FAM110B: variants seen among roughly 807,000 people sequenced by gnomAD.
The protein encoded by FAM110B is family with sequence similarity 110 member B.
A neutral mutation model predicts 20.4 loss-of-function variants in FAM110B; 6 were observed. The ratio of observed to expected loss-of-function variants is 0.29; its 90% CI spans 0.16 to 0.58. The LOEUF (loss-of-function observed/expected upper bound fraction) is 0.58, where lower values mean the gene tolerates loss of function less well. Ranked by LOEUF, FAM110B falls within the 20% of genes least tolerant of loss-of-function variation. The pLI, the probability that FAM110B is intolerant of heterozygous loss-of-function variation, is 0.90. For missense variants in FAM110B, 434 were observed against 498.2 expected (o/e 0.87, Z 1.23); for synonymous variants, 226 against 214.1 (o/e 1.06, Z -0.49).
intron 2 of FAM110B, among the ~76,000 whole-genome samples, chr8:58,053,359 A>G (rs149088381): frequency 7.2e-5 from 11 of 152,368 alleles, no homozygotes; most frequent in African/African-American, 2.4e-4. Flanking sequence ...GTGGTGTGAT[A>G]GAAAGAGGAA....
At chr8:58,000,052 ATTC>A (rs1213783767) in intron 1 of FAM110B, among the ~76,000 whole-genome samples, 1 of 152,212 alleles carries the variant, frequency 6.6e-6, no homozygotes, top group Non-Finnish European at 1.5e-5. Flanking sequence ...ATACACAAAT[ATTC>A]TTATTTATAA....
In FAM110B at chr8:58,032,342, A is replaced by G. The variant is rs143403237; in HGVS notation, c.-414+639A>G. The G allele has an allele frequency of 7.9e-5, 12 of 152,368 alleles. No homozygotes were observed. In the East Asian group the frequency reaches 2.3e-3, roughly 29 times the overall value. 9.4% of individuals were successfully genotyped at this position (152,368 alleles called of 1,614,324 possible). On this transcript the variant is annotated intron_variant, in intron 2 of 3. Coordinates refer to ENST00000519262, the MANE Select transcript of FAM110B (RefSeq NM_001377989.1). Reference sequence around the variant, plus strand: ...TCACTGGACATGGGACCTAGTATATATATTTTTAATTATTAACATAATGTA... The same window carrying G: ...TCACTGGACATGGGACCTAGTATATGTATTTTTAATTATTAACATAATGTA...
chr8:58,023,089 A>G (rs530995393), intron 1 of FAM110B, among the ~76,000 whole-genome samples: 47 of 152,354 alleles, frequency 3.1e-4, no homozygotes, highest in Non-Finnish European at 4.3e-4. Flanking sequence ...GAAAACTGCC[A>G]GTTTATAATC....
At chr8:58,043,460 A>G (rs564790124) in intron 2 of FAM110B, among the ~76,000 whole-genome samples, 1 of 151,238 alleles carries the variant, frequency 6.6e-6, no homozygotes, top group East Asian at 1.9e-4. Flanking sequence ...ATTTATTTTT[A>G]TAACTTTTTT....
At chr8:58,132,798 G>T (rs1803508952) in intron 3 of FAM110B, among the ~76,000 whole-genome samples, 1 of 152,150 alleles carries the variant, frequency 6.6e-6, no homozygotes, top group South Asian at 2.1e-4. Flanking sequence ...ACCTTATACT[G>T]CAAGCAAAAT....
At chr8:58,095,702 G>C (rs1264288642) in intron 3 of FAM110B, among the ~76,000 whole-genome samples, 1 of 152,132 alleles carries the variant, frequency 6.6e-6, no homozygotes, top group South Asian at 2.1e-4. Context: ...GTGCTGAGAA[G>C]GGTGTATATT....
chr8:58,111,942 A>AGTT (rs2150619795), intron 3 of FAM110B, among the ~76,000 whole-genome samples: 1 of 152,366 alleles, frequency 6.6e-6, no homozygotes, highest in Non-Finnish European at 1.5e-5. Flanking sequence ...GTTACACTTC[A>AGTT]AGCAAAAGGC....
At chr8:58,012,779 A>G (rs1804565008) in intron 1 of FAM110B, among the ~76,000 whole-genome samples, 1 of 152,204 alleles carries the variant, frequency 6.6e-6, no homozygotes, top group African/African-American at 2.4e-5. Context: ...TAACAGGGAC[A>G]TTGGTGCAAA....
chr8:58,064,956 G>C (rs1805732561), intron 2 of FAM110B, among the ~76,000 whole-genome samples: 3 of 152,160 alleles, frequency 2.0e-5, no homozygotes, highest in African/African-American at 7.2e-5. Context: ...TATCGAGACA[G>C]CTATCCTTTA....
chr8:58,035,719 C>A (rs902841153), intron 2 of FAM110B, among the ~76,000 whole-genome samples: 2 of 152,178 alleles, frequency 1.3e-5, no homozygotes, highest in East Asian at 3.8e-4. Context: ...TTCAAATTTA[C>A]CTTTAGCAGT....
In FAM110B at chr8:58,083,976, G is replaced by A. The variant is rs148408155; in HGVS notation, c.-325+8353G>A. On this transcript the variant is annotated intron_variant, in intron 3 of 3. Transcript: ENST00000519262. ...AAGCTCTGGGTACATAGGAGAGTACGGCTAACTCCTGGTTGATCCGGATCA... is the reference window on the plus strand; with the variant it reads ...AAGCTCTGGGTACATAGGAGAGTACAGCTAACTCCTGGTTGATCCGGATCA... Among the ~76,000 whole-genome samples, 778 of 152,246 alleles carry A rather than the reference G, an allele frequency of 5.1e-3. 2 individuals are homozygous for A. The highest frequency in any genetic ancestry group is 7.9e-3 in the Non-Finnish European group (535 of 68,008).
rs1804916657 is a variant in FAM110B at position 58,029,203 on chromosome 8, A to G, written c.-511-2403A>G. On this transcript the variant is annotated intron_variant, in intron 1 of 3. Coordinates refer to ENST00000519262, the MANE Select transcript of FAM110B (RefSeq NM_001377989.1). The stretch of plus-strand genomic sequence containing the variant: ...ATCATTTTGAAATTCTACTTTCAAA[A>G]CTGCTTATGTGAGCTTTGTGTATAG... Among the ~76,000 whole-genome samples the G allele has an allele frequency of 3.9e-5, 6 of 152,138 alleles. No individual in the cohort carries two copies. The South Asian group carries it at 1.2e-3, about 32-fold the overall frequency.
chr8:58,126,015 C>G (rs1465138205), intron 3 of FAM110B, among the ~76,000 whole-genome samples: 1 of 152,186 alleles, frequency 6.6e-6, no homozygotes, highest in Non-Finnish European at 1.5e-5. Flanking sequence ...GTAACCACCA[C>G]CACAATCAAG....
rs1805846750 is a variant in FAM110B, at chr8:58,069,736, ATTGT to A, written c.-413-5797_-413-5794del. ...GCACTTTATGACAAATATGTGGCAAATTGTTAATTAGGGTAAATAAAGTAAGACT... is the reference window on the plus strand; with the variant it reads ...GCACTTTATGACAAATATGTGGCAAATAATTAGGGTAAATAAAGTAAGACT... On this transcript the variant is annotated intron_variant, in intron 2 of 3. Coordinates refer to ENST00000519262, the MANE Select transcript of FAM110B (RefSeq NM_001377989.1). 5.9e-5 allele frequency among the ~76,000 whole-genome samples: 9 copies of A among 152,312 alleles called. No homozygotes were observed. In the South Asian group the frequency reaches 1.9e-3, roughly 32 times the overall value.
At chr8:58,009,929 C>G (rs552644527) in intron 1 of FAM110B, among the ~76,000 whole-genome samples, 1 of 152,026 alleles carries the variant, frequency 6.6e-6, no homozygotes. Context: ...TTTGGATTTC[C>G]GTAACTCATT....
chr8:58,075,901 T>A (rs1806026683), intron 3 of FAM110B, among the ~76,000 whole-genome samples: 1 of 152,232 alleles, frequency 6.6e-6, no homozygotes, highest in African/African-American at 2.4e-5. Flanking sequence ...GTTTGTTAAA[T>A]GCTGTGTGCT....
At chr8:58,093,379 T>G (rs1007385200) in intron 3 of FAM110B, among the ~76,000 whole-genome samples, 1 of 152,254 alleles carries the variant, frequency 6.6e-6, no homozygotes, top group African/African-American at 2.4e-5. Flanking sequence ...TTTTATGGTG[T>G]TAGGTCTTAC....
chr8:58,015,342 G>A (rs1049924642), intron 1 of FAM110B, among the ~76,000 whole-genome samples: 3 of 151,644 alleles, frequency 2.0e-5, no homozygotes. Flanking sequence ...GGACGACAGA[G>A]CAAAACTCTG....
chr8:58,068,370 C>G (rs1805817603), intron 2 of FAM110B, among the ~76,000 whole-genome samples: 3 of 152,190 alleles, frequency 2.0e-5, no homozygotes, highest in African/African-American at 7.2e-5. Context: ...AGTTTTCACT[C>G]TTGAATTTAT....
Sources: allele counts gnomAD v4.1 joint callset (sites outside exome capture counted in the v4.1 genomes callset), GRCh38; gene constraint gnomAD v4.1.1; transcripts MANE v1.5; gene names NCBI Gene and HGNC (gene_info 2026-07-23, HGNC 2026-07-21).